Variants in RPLP0 observed in about 807,000 individuals in gnomAD.
The protein encoded by RPLP0 is large ribosomal subunit protein uL10.
For synonymous variants in RPLP0, 137 were observed against 153.4 expected (o/e 0.89, Z 0.79); for missense variants, 276 against 402.9 (o/e 0.69, Z 2.70).
At position 120,201,007 on chromosome 12, in the gene RPLP0, G is replaced by A. The variant is rs574364284; in HGVS notation, c.-49+76C>T. ...CAGGCGGAACAGAATAGGACTCCAT[G>A]TTCCCAAAGGCCCCCAAAGACCCCT... On this transcript the variant is annotated intron_variant, in intron 1 of 7. Coordinates refer to ENST00000392514, the MANE Select transcript of RPLP0 (RefSeq NM_001002.4). 68 of 635,300 alleles carry A rather than the reference G, an allele frequency of 1.1e-4. No homozygotes were observed. In the African/African-American group the frequency reaches 1.2e-3, roughly 11 times the overall value. 39.4% of individuals were successfully genotyped at this position (635,300 alleles called of 1,614,324 possible).
At position 120,199,005 on chromosome 12, in the gene RPLP0, C is replaced by A; in HGVS notation, c.319-5G>T. On this transcript the variant is annotated splice_region_variant and splice_polypyrimidine_tract_variant and intron_variant, in intron 4 of 7. Coordinates refer to ENST00000392514, the MANE Select transcript of RPLP0 (RefSeq NM_001002.4). ...AGCACGGGCAGCAGCTGGCACCTGACAAAGACAACAAACAGTGAGAAAAGC... is the reference window on the plus strand; with the variant it reads ...AGCACGGGCAGCAGCTGGCACCTGAAAAAGACAACAAACAGTGAGAAAAGC... 1 of 1,614,110 alleles carries A rather than the reference C, an allele frequency of 6.2e-7. No individual in the cohort carries two copies. The highest frequency in any genetic ancestry group is 2.2e-5 in the East Asian group (1 of 44,880).
At position 120,198,364 on chromosome 12, in the gene RPLP0, C is replaced by T. The variant is rs1282170499; in HGVS notation, c.651+190G>A. The T allele has an allele frequency of 2.8e-5, 17 of 606,266 alleles. 1 individual carries two copies. The highest frequency in any genetic ancestry group is 4.5e-4 in the Middle Eastern group (1 of 2,208). The allele number at this position is 606,266 out of a possible 1,614,324, so 37.6% of individuals were successfully genotyped here. ...TTGTGCCACTGCACTCCAGCCTGGG[C>T]GACACAGCAAGACTCTGTCTCCAAA... On this transcript the variant is annotated intron_variant, in intron 6 of 7. Transcript: ENST00000392514. The surrounding 1 kb of genome is among the most constrained non-coding windows in gnomAD (Gnocchi z 4.1).
rs765144414 is a variant in RPLP0, at chr12:120,199,312, C to T, written c.228G>A (p.Glu76=). The stretch of plus-strand genomic sequence containing the variant: ...ACAAAACTGCCAGGGGAACTGACTT[C>T]TCCAGAGCTGGGTTGTTTTCCAGGT... ...RGHLENNPAL[E]KLLPHIRGNV... is the part of the protein sequence containing the mutation. The change falls in exon 3 of 8, where the codon GAG becomes GAA. Residue 76 remains glutamate (E), a splice_region_variant and synonymous_variant. Coordinates refer to ENST00000392514, the MANE Select transcript of RPLP0 (RefSeq NM_001002.4). The T allele has an allele frequency of 1.2e-6, 2 of 1,614,164 alleles. No homozygotes were observed. The highest frequency in any genetic ancestry group is 1.6e-4 in the Middle Eastern group (1 of 6,062).
In RPLP0 at chr12:120,198,386, CAAA is replaced by C. The variant is rs1227730541; in HGVS notation, c.651+165_651+167del. 3,573 of 518,612 alleles carry C rather than the reference CAAA, an allele frequency of 6.9e-3. No homozygotes were observed. The highest frequency in any genetic ancestry group is 7.6e-3 in the Non-Finnish European group (2,473 of 324,382). 32.1% of individuals were successfully genotyped at this position (518,612 alleles called of 1,614,324 possible). Reference sequence around the variant, plus strand: ...GGGCGACACAGCAAGACTCTGTCTCCAAAAAAAAAAAAAAAAAATCCTTCAACA... The same window carrying C: ...GGGCGACACAGCAAGACTCTGTCTCCAAAAAAAAAAAAAAATCCTTCAACA... On this transcript the variant is annotated intron_variant, in intron 6 of 7. Coordinates refer to ENST00000392514, the MANE Select transcript of RPLP0 (RefSeq NM_001002.4). The surrounding 1 kb of genome is among the most constrained non-coding windows in gnomAD (Gnocchi z 4.1).
At chr12:120,200,162 T>C (rs1283808933) in intron 2 of RPLP0, 7 of 455,078 alleles carry the variant, frequency 1.5e-5, no homozygotes, top group East Asian at 7.0e-5. Flanking sequence ...TTCTCAAAAA[T>C]GGAGTAAAAC....
In RPLP0 at chr12:120,197,342, T is replaced by G; in HGVS notation, c.772A>C (p.Thr258Pro). ...TTTACCTTTTCAGCAAGTGGGAAGG[T>G]GTAATCCGTCTCCACAGACAAGGCC... ...VLALSVETDY[T>P]FPLAEKVKAF... The change falls in exon 7 of 8, where the codon ACC becomes CCC. Residue 258 changes from threonine to proline, a missense_variant. Physicochemically the swap from Thr to Pro is conservative, Grantham distance 38 (BLOSUM62 -1). Coordinates refer to ENST00000392514, the MANE Select transcript of RPLP0 (RefSeq NM_001002.4). 1 of 1,613,882 alleles carries G rather than the reference T, an allele frequency of 6.2e-7. No homozygotes were observed. The highest frequency in any genetic ancestry group is 8.5e-7 in the Non-Finnish European group (1 of 1,179,818).
rs1247232428 is a variant in RPLP0 at position 120,200,830 on chromosome 12, C to T, written c.-47G>A. 6.3e-7 allele frequency: 1 copy of T among 1,598,336 alleles called. No homozygotes were observed. The highest frequency in any genetic ancestry group is 1.1e-5 in the South Asian group (1 of 88,626). ...GCCACGCAGGGTTTAAAGACGATGT[C>T]ACTGAGGAGAGACAGGGAGCTCAGG... On this transcript the variant is annotated splice_region_variant and 5_prime_UTR_variant, in exon 2 of 8. Transcript: ENST00000392514.
At position 120,198,352 on chromosome 12, in the gene RPLP0, C is replaced by G. The variant is rs1879263929; in HGVS notation, c.651+202G>C. ...TGAGCCGGGAGATTGTGCCACTGCACTCCAGCCTGGGCGACACAGCAAGAC... is the reference window on the plus strand; with the variant it reads ...TGAGCCGGGAGATTGTGCCACTGCAGTCCAGCCTGGGCGACACAGCAAGAC... On this transcript the variant is annotated intron_variant, in intron 6 of 7. Transcript: ENST00000392514. This position sits in a 1 kb window ranked among gnomAD's most constrained non-coding sequence, Gnocchi z 4.1. 1 of 577,514 alleles carries G rather than the reference C, an allele frequency of 1.7e-6. No individual in the cohort carries two copies. The highest frequency in any genetic ancestry group is 2.0e-5 in the South Asian group (1 of 49,128). 35.8% of individuals were successfully genotyped at this position (577,514 alleles called of 1,614,324 possible).
At position 120,196,757 on chromosome 12, in the gene RPLP0, G is replaced by A. The variant is rs771797337; in HGVS notation, c.*16C>T. ...TTTTGCAAATAAAACTGGCTAAGTT[G>A]GTTGCTTTTTGGTGATTAGTCAAAG... On this transcript the variant is annotated 3_prime_UTR_variant, in exon 8 of 8. Coordinates refer to ENST00000392514, the MANE Select transcript of RPLP0 (RefSeq NM_001002.4). 3.9e-6 allele frequency: 6 copies of A among 1,544,598 alleles called. No homozygotes were observed. Among genetic ancestry groups the A allele is most frequent in the Non-Finnish European group, 5.3e-6 (6 of 1,142,176 alleles).
chr12:120,196,804 T>A lies in RPLP0; in HGVS notation c.923A>T (p.Asp308Val). 6.3e-7 allele frequency: 1 copy of A among 1,592,946 alleles called. No individual in the cohort carries two copies. The highest frequency in any genetic ancestry group is 1.7e-5 in the Admixed American group (1 of 59,034). ...VEAKEESEES[D>V]EDMGFGLFD ...AAAGAGACCAAATCCCATATCCTCG[T>A]CCGACTCCTCCGACTCTTCCTTGGC... The change falls in exon 8 of 8, where the codon GAC becomes GTC. Residue 308 changes from aspartate (D) to valine (V), a missense_variant. Asp to Val is a radical substitution (Grantham distance 152). Coordinates refer to ENST00000392514, the MANE Select transcript of RPLP0 (RefSeq NM_001002.4).
At chr12:120,197,548 G>C in intron 6 of RPLP0, 86 bp from the exon 7 acceptor site, 1 of 1,488,826 alleles carries the variant, frequency 6.7e-7, no homozygotes, top group South Asian at 1.2e-5. Flanking sequence ...ACCCTTAGCA[G>C]ACAATAATTG....
chr12:120,200,395 G>A (rs1226158403), intron 2 of RPLP0: 5 of 333,698 alleles, frequency 1.5e-5, no homozygotes, highest in Non-Finnish European at 2.3e-5. Flanking sequence ...CCTGGGAAGC[G>A]GAGGTTGCAG....
chr12:120,198,483 A>G lies in RPLP0; in HGVS notation c.651+71T>C, dbSNP rs1437178206. ...AGATGAAAACACAGTCCTTGGTTAC[A>G]GGGACTCAGTCTGAACCTTGTCATG... is the stretch of plus-strand genomic sequence containing the variant. On this transcript the variant is annotated intron_variant, in intron 6 of 7. Coordinates refer to ENST00000392514, the MANE Select transcript of RPLP0 (RefSeq NM_001002.4). This position sits in a 1 kb window ranked among gnomAD's most constrained non-coding sequence, Gnocchi z 4.1. 3 of 1,538,286 alleles carry G rather than the reference A, an allele frequency of 2.0e-6. No homozygotes were observed. Among genetic ancestry groups the G allele is most frequent in the African/African-American group, 2.7e-5 (2 of 73,298 alleles).
At position 120,197,317 on chromosome 12, in the gene RPLP0, T is replaced by C. The variant is rs1879219037; in HGVS notation, c.792+5A>G. On this transcript the variant is annotated splice_donor_5th_base_variant and intron_variant, in intron 7 of 7. Coordinates refer to ENST00000392514, the MANE Select transcript of RPLP0 (RefSeq NM_001002.4). ...CCCACTGTGGTCCTGGTGGGATCCT[T>C]TTACCTTTTCAGCAAGTGGGAAGGT... 6.2e-7 allele frequency: 1 copy of C among 1,613,610 alleles called. No individual in the cohort carries two copies. Among genetic ancestry groups the C allele is most frequent in the Non-Finnish European group, 8.5e-7 (1 of 1,179,734 alleles).
In RPLP0 at chr12:120,196,873, G is replaced by A. The variant is rs776150321; in HGVS notation, c.854C>T (p.Thr285Ile). The A allele has an allele frequency of 6.2e-7, 1 of 1,612,224 alleles. No homozygotes were observed. Among genetic ancestry groups the A allele is most frequent in the Non-Finnish European group, 8.5e-7 (1 of 1,179,740 alleles). The change falls in exon 8 of 8, where the codon ACC becomes ATC. Residue 285 changes from threonine (T) to isoleucine (I), a missense_variant. Physicochemically the swap from Thr to Ile is moderately conservative, Grantham distance 89. Transcript: ENST00000392514. Reference protein sequence around the residue: ...FVAAAPVAAATTAAPAAAAAP... With the variant: ...FVAAAPVAAAITAAPAAAAAP... ...TGCAGCAGCAGCAGGAGCAGCTGTG[G>A]TGGCAGCAGCCACAGGGGCAGCAGC...
chr12:120,197,010 G>A, intron 7 of RPLP0, 76 bp from the exon 8 acceptor site: 1 of 1,592,564 alleles, frequency 6.3e-7, no homozygotes, highest in Non-Finnish European at 8.6e-7. Context: ...CCTTGGTAGA[G>A]TTTAAGGACC....
intron 7 of RPLP0, 149 bp from the exon 8 acceptor site, chr12:120,197,083 GT>G: frequency 7.5e-7 from 1 of 1,341,098 alleles, no homozygotes; most frequent in Non-Finnish European, 1.0e-6. Flanking sequence ...GACAGCTTGG[GT>G]ATGGCCTAGT....
In RPLP0 at chr12:120,199,222, A is replaced by G. The variant is rs1453504762; in HGVS notation, c.231-17T>C. 1.9e-6 allele frequency: 3 copies of G among 1,613,480 alleles called. No individual in the cohort carries two copies. The highest frequency in any genetic ancestry group is 1.7e-6 in the Non-Finnish European group (2 of 1,179,386). On this transcript the variant is annotated splice_polypyrimidine_tract_variant and intron_variant, in intron 3 of 7. Transcript: ENST00000392514. ...GGCAGCAGTCTGCAAAGAGAAGTTT[A>G]TGGGAGACAATCACCTTTCAGCACC...
chr12:120,199,838 T>C (rs989248451), intron 2 of RPLP0: 1 of 365,398 alleles, frequency 2.7e-6, no homozygotes, highest in Admixed American at 3.9e-5. Flanking sequence ...ATTCACAGCA[T>C]TAAAAGCACC....
Sources: gnomAD v4.1 joint callset for allele counts on GRCh38, gnomAD v4.1.1 for gene constraint, Gnocchi (gnomAD v3.1) non-coding constraint, MANE v1.5 for transcripts, NCBI Gene and HGNC (gene_info 2026-07-23, HGNC 2026-07-21) for gene names.